CFAP299: variants seen among roughly 807,000 people sequenced by gnomAD.
CFAP299 encodes the protein cilia- and flagella-associated protein 299.
CFAP299 carries 21 observed loss-of-function variants against 27.0 expected under a neutral mutation model. That is an observed-to-expected ratio of 0.78 (90% CI 0.55 to 1.12). The LOEUF (loss-of-function observed/expected upper bound fraction) is 1.12. Among genes scored for constraint, CFAP299 ranks in the 50% most tolerant of loss-of-function variants. The pLI, the probability that CFAP299 is intolerant of heterozygous loss-of-function variation, is 0.00. For synonymous variants in CFAP299, 104 were observed against 98.1 expected, an observed-to-expected ratio of 1.06 and a Z score of -0.36; for missense variants, 310 against 276.6, an observed-to-expected ratio of 1.12 and a Z score of -0.86.
chr4:80,409,052 A>G lies in CFAP299; in HGVS notation c.242+46168A>G, dbSNP rs151212874. On this transcript the variant is annotated intron_variant, in intron 2 of 5. Coordinates refer to ENST00000358105, the MANE Select transcript of CFAP299 (RefSeq NM_152770.3). ...GAGACTCTTTCAAAAAAAAAAAAAA[A>G]AGAGAGAAAAATATAAACAACTGAT... Among the ~76,000 whole-genome samples the G allele has an allele frequency of 8.7e-3, 1,311 of 151,442 alleles. 24 individuals are homozygous for G. Among genetic ancestry groups the G allele is most frequent in the African/African-American group, 0.029 (1,197 of 41,364 alleles).
intron 2 of CFAP299, among the ~76,000 whole-genome samples, chr4:80,428,356 T>C (rs899233560): frequency 6.6e-6 from 1 of 152,112 alleles, no homozygotes; most frequent in Non-Finnish European, 1.5e-5. Flanking sequence ...AGGCAGGGAG[T>C]ATTCTTTATC....
chr4:80,790,824 A>C (rs1383205072), intron 3 of CFAP299, among the ~76,000 whole-genome samples: 1 of 152,088 alleles, frequency 6.6e-6, no homozygotes, highest in African/African-American at 2.4e-5. Context: ...ATTTACCATG[A>C]CTATTACATG....
intron 1 of CFAP299, among the ~76,000 whole-genome samples, 160 bp from the exon 2 acceptor site, chr4:80,362,593 AG>A (rs566246370): frequency 8.9e-4 from 135 of 152,104 alleles, no homozygotes; most frequent in African/African-American, 3.0e-3. Context: ...GAAAAATTCT[AG>A]TTTTTTTATA....
chr4:80,852,294 A>G (rs1731570153), intron 3 of CFAP299, among the ~76,000 whole-genome samples: 1 of 152,148 alleles, frequency 6.6e-6, no homozygotes, highest in Admixed American at 6.6e-5. Flanking sequence ...CTTGGACATC[A>G]TCCCAGACCT....
At chr4:80,955,014 AAAAAAAAAAAAAAAAAAAAAC>A (rs1254709305) in intron 5 of CFAP299, among the ~76,000 whole-genome samples, 7 of 138,156 alleles carry the variant, frequency 5.1e-5, no homozygotes, top group African/African-American at 1.9e-4. Flanking sequence ...AAAAAAAAAA[AAAAAAAAAAAAAAAAAAAAAC>A]GCACACATGG....
intron 3 of CFAP299, among the ~76,000 whole-genome samples, chr4:80,854,696 G>C (rs1731723475): frequency 6.7e-6 from 1 of 148,930 alleles, no homozygotes; most frequent in Non-Finnish European, 1.5e-5. Context: ...GTGAAAGTTT[G>C]ATGAGAGAGA....
At position 80,695,551 on chromosome 4, in the gene CFAP299, G is replaced by A. The variant is rs183005229; in HGVS notation, c.333+112368G>A. 9.0e-4 allele frequency among the ~76,000 whole-genome samples: 137 copies of A among 152,066 alleles called. 1 individual carries two copies. Among genetic ancestry groups the A allele is most frequent in the African/African-American group, 2.9e-3 (119 of 41,482 alleles). On this transcript the variant is annotated intron_variant, in intron 3 of 5. Coordinates refer to ENST00000358105, the MANE Select transcript of CFAP299 (RefSeq NM_152770.3). The stretch of plus-strand genomic sequence containing the variant: ...TTGTATTGTTTCCCACCATTACATC[G>A]TTAAATAAGCCTCTCCTTTTGTATA...
chr4:80,521,409 A>T (rs1449845604), intron 2 of CFAP299, among the ~76,000 whole-genome samples: 1 of 152,194 alleles, frequency 6.6e-6, no homozygotes, highest in East Asian at 1.9e-4. Context: ...TAATTTTATG[A>T]CATAGTCTTT....
chr4:80,866,530 G>A (rs1028945544), intron 3 of CFAP299, among the ~76,000 whole-genome samples: 3 of 152,048 alleles, frequency 2.0e-5, no homozygotes, highest in Non-Finnish European at 4.4e-5. Flanking sequence ...TGTTTTGTTT[G>A]TTTTTGTTTT....
intron 1 of CFAP299, among the ~76,000 whole-genome samples, chr4:80,346,789 GT>G (rs1332917546): frequency 1.3e-5 from 2 of 152,152 alleles, no homozygotes; most frequent in Non-Finnish European, 2.9e-5. Flanking sequence ...CTTTAAAGTA[GT>G]TTTTTCCAAT....
At chr4:80,363,218 T>C (rs1405430291) in intron 2 of CFAP299, among the ~76,000 whole-genome samples, 1 of 152,238 alleles carries the variant, frequency 6.6e-6, no homozygotes, top group Admixed American at 6.5e-5. Context: ...TTCTTTGTAC[T>C]TTGAGGTCTG....
chr4:80,453,899 G>A (rs533423447), intron 2 of CFAP299, among the ~76,000 whole-genome samples: 108 of 148,706 alleles, frequency 7.3e-4, no homozygotes, highest in Admixed American at 1.9e-3. Context: ...TCTTGCAAGC[G>A]TGATTTTCAC....
chr4:80,493,759 C>CTTTT (rs1177389983), intron 2 of CFAP299, among the ~76,000 whole-genome samples: 9 of 76,756 alleles, frequency 1.2e-4, no homozygotes, highest in South Asian at 1.1e-3. Flanking sequence ...ATCTCATATT[C>CTTTT]TTTTTTTTTT....
chr4:80,390,718 CACAT>C (rs1235833057), intron 2 of CFAP299, among the ~76,000 whole-genome samples: 2 of 138,660 alleles, frequency 1.4e-5, no homozygotes, highest in Admixed American at 7.3e-5. Flanking sequence ...TATGTATACA[CACAT>C]ACATGTATAT....
rs150749587 is a variant in CFAP299, at chr4:80,862,239, G to A, written c.334-7754G>A. On this transcript the variant is annotated intron_variant, in intron 3 of 5. Coordinates refer to ENST00000358105, the MANE Select transcript of CFAP299 (RefSeq NM_152770.3). The stretch of plus-strand genomic sequence containing the variant: ...ACAAAAATTAGCTTGGAGCAGTGGC[G>A]TGTGCTTGTGGTCCCAGCTACTCGG... 2.6e-3 allele frequency among the ~76,000 whole-genome samples: 390 copies of A among 152,092 alleles called. 1 individual carries two copies. Among genetic ancestry groups the A allele is most frequent in the African/African-American group, 8.7e-3 (361 of 41,470 alleles).
chr4:80,368,948 G>T (rs1723989733), intron 2 of CFAP299, among the ~76,000 whole-genome samples: 1 of 42,420 alleles, frequency 2.4e-5, no homozygotes, highest in Non-Finnish European at 4.5e-5. Flanking sequence ...AAGGTTTGTT[G>T]AGAAAGCAAA....
intron 2 of CFAP299, among the ~76,000 whole-genome samples, chr4:80,542,910 C>G (rs1265391487): frequency 6.6e-6 from 1 of 152,076 alleles, no homozygotes; most frequent in African/African-American, 2.4e-5. Context: ...CCCTGCTGCC[C>G]CTGCTGGAGC....
At chr4:80,338,036 G>C (rs1459170757) in intron 1 of CFAP299, among the ~76,000 whole-genome samples, 1 of 152,072 alleles carries the variant, frequency 6.6e-6, no homozygotes, top group Non-Finnish European at 1.5e-5. Flanking sequence ...CAGTAGTATG[G>C]CAAGCATGTT....
At chr4:80,708,630 A>G (rs1208881999) in intron 3 of CFAP299, among the ~76,000 whole-genome samples, 1 of 152,174 alleles carries the variant, frequency 6.6e-6, no homozygotes, top group Non-Finnish European at 1.5e-5. Flanking sequence ...ACATACTGAA[A>G]GTGAGTACAT....
Sources: gnomAD v4.1 joint callset for allele counts (sites outside exome capture counted in the v4.1 genomes callset) on GRCh38, gnomAD v4.1.1 for gene constraint, MANE v1.5 for transcripts, NCBI Gene and HGNC (gene_info 2026-07-23, HGNC 2026-07-21) for gene names.